The following TMC6 variants were observed in gnomAD, a reference collection of about 807,000 sequenced individuals.
TMC6 encodes the protein transmembrane channel-like protein 6.
A neutral mutation model predicts 95.4 loss-of-function variants in TMC6; 71 were observed. The ratio of observed to expected loss-of-function variants is 0.74; its 90% CI spans 0.61 to 0.91. The LOEUF (loss-of-function observed/expected upper bound fraction) is 0.91, where lower values mean the gene tolerates loss of function less well. Ranked by LOEUF, TMC6 falls within the 40% of genes least tolerant of loss-of-function variation. The pLI is 0.00. For missense variants in TMC6, 1,074 were observed against 1,079.1 expected, an observed-to-expected ratio of 1.00 and a Z score of 0.07; for synonymous variants, 514 against 483.1, an observed-to-expected ratio of 1.06 and a Z score of -0.84.
Position 78,120,822 on chromosome 17 carries a change from G to C in TMC6, c.1546C>G (p.Leu516Val). Residue 516 changes from leucine (L) to valine (V), a missense_variant, in exon 13 of 20, where the codon CTC becomes GTC. By Grantham distance (32) the Leu-to-Val change is conservative. Coordinates refer to ENST00000590602, the MANE Select transcript of TMC6 (RefSeq NM_001127198.5). ...AGTGTCCCCAGGATGGCCAGCTTGA[G>C]GATGAGGTTCCTGCGGAGGGCGGGG... ...VYVAICRNLI[L>V]KLAILGTLCY... is the part of the protein sequence containing the mutation. 1.9e-6 allele frequency: 3 copies of C among 1,612,490 alleles called. No homozygotes were observed. The highest frequency in any genetic ancestry group is 2.5e-6 in the Non-Finnish European group (3 of 1,179,068).
rs748989453 is a variant in TMC6, at chr17:78,113,143, T to A, written c.*5A>T. On this transcript the variant is annotated 3_prime_UTR_variant, in exon 20 of 20. Transcript: ENST00000590602. ...GGCGGGCCCGTGAGGCCCATCGCCG[T>A]CCCCCTAGGCATCCTGTTCATCTGT... The A allele has an allele frequency of 7.7e-6, 12 of 1,552,632 alleles. No homozygotes were observed. In the Admixed American group the frequency reaches 2.0e-4, roughly 25 times the overall value.
chr17:78,124,522 A>G lies in TMC6; in HGVS notation c.891+2T>C, dbSNP rs776792539. The G allele has an allele frequency of 2.5e-6, 4 of 1,609,786 alleles. No homozygotes were observed. The highest frequency in any genetic ancestry group is 1.1e-5 in the South Asian group (1 of 91,030). On this transcript the variant is annotated splice_donor_variant, in intron 8 of 19. Transcript: ENST00000590602. LOFTEE classifies it high-confidence loss of function. Reference sequence around the variant, plus strand: ...CGTCCCCCAGTCCTAGGGCTTCCTCACCGCGCCTGTGAGGAGCTCCAGGCC... The same window carrying G: ...CGTCCCCCAGTCCTAGGGCTTCCTCGCCGCGCCTGTGAGGAGCTCCAGGCC...
chr17:78,120,793 GCA>G lies in TMC6; in HGVS notation c.1573_1574del (p.Cys525LeufsTer63), dbSNP rs1277588279. ...CCACCCTGCGGCCCAGCCAGTGGTA[GCA>G]CAGTGTCCCCAGGATGGCCAGCTTG... is the stretch of plus-strand genomic sequence containing the variant. Reference protein sequence around the residue: ...ILKLAILGTLCYHWLGRRVGV... With the variant: ...ILKLAILGTLXYHWLGRRVGV... On this transcript the variant is annotated frameshift_variant, in exon 13 of 20. Transcript: ENST00000590602. LOFTEE classifies it high-confidence loss of function. 6.2e-7 allele frequency: 1 copy of G among 1,613,500 alleles called. No homozygotes were observed. The highest frequency in any genetic ancestry group is 1.3e-5 in the African/African-American group (1 of 74,930).
In TMC6 at chr17:78,126,323, G is replaced by T. The variant is rs370551411; in HGVS notation, c.225C>A (p.Ser75Arg). The T allele has an allele frequency of 3.1e-5, 49 of 1,575,116 alleles. No homozygotes were observed. The highest frequency in any genetic ancestry group is 3.9e-5 in the Non-Finnish European group (46 of 1,165,108). The part of the protein sequence containing the change: ...QTLWRPEGTQ[S>R]TATLRILASM... ...TGGCCAGGATGCGGAGTGTGGCCGT[G>T]CTCTGGGTGCCCTCGGGCCGCCAGA... The change falls in exon 4 of 20, where the codon AGC (serine) becomes AGA (arginine). Residue 75 changes from serine (S) to arginine (R), a missense_variant. Coordinates refer to ENST00000590602, the MANE Select transcript of TMC6 (RefSeq NM_001127198.5).
Position 78,128,324 on chromosome 17 carries a change from C to G in TMC6, c.-75+288G>C, listed in dbSNP as rs2074841299. ...TCCCTGTCCCCCGCCCCTTCCCATCCCGGCCACACCCCCTCCCCTCCCCTC... is the reference window on the plus strand; with the variant it reads ...TCCCTGTCCCCCGCCCCTTCCCATCGCGGCCACACCCCCTCCCCTCCCCTC... On this transcript the variant is annotated intron_variant, in intron 1 of 19. Transcript: ENST00000590602. The surrounding 1 kb of genome is among the most constrained non-coding windows in gnomAD (Gnocchi z 4.0). Among the ~76,000 whole-genome samples the G allele has an allele frequency of 6.6e-6, 1 of 152,100 alleles. No individual in the cohort carries two copies. The highest frequency in any genetic ancestry group is 1.5e-5 in the Non-Finnish European group (1 of 68,004).
At chr17:78,127,050 T>C (rs2074756338) in intron 1 of TMC6, 144 bp from the exon 2 acceptor site, 3 of 625,846 alleles carry the variant, frequency 4.8e-6, no homozygotes, top group Admixed American at 2.5e-5. Context: ...GGTACATAAA[T>C]GGTGAGGCAC....
At chr17:78,127,121 G>C (rs2074758871) in intron 1 of TMC6, 1 of 571,480 alleles carries the variant, frequency 1.7e-6, no homozygotes, top group Non-Finnish European at 3.1e-6. Context: ...GGAGGGGAGA[G>C]AGGAAGGAAG....
In TMC6 at chr17:78,116,628, A is replaced by C. The variant is rs555070028; in HGVS notation, c.2277+641T>G. Among the ~76,000 whole-genome samples the C allele has an allele frequency of 3.3e-5, 5 of 152,170 alleles. No individual in the cohort carries two copies. The South Asian group carries it at 6.2e-4, about 19-fold the overall frequency. ...TGGCCAGGCACGGTGGCTCATGCCT[A>C]TAATCCTAGCACTTTGGGAGGCCAA... On this transcript the variant is annotated intron_variant, in intron 18 of 19. Coordinates refer to ENST00000590602, the MANE Select transcript of TMC6 (RefSeq NM_001127198.5).
chr17:78,109,510 A>G lies in TMC6; in HGVS notation c.*3638T>C, dbSNP rs973578684. 5 of 456,588 alleles carry G rather than the reference A, an allele frequency of 1.1e-5. No individual in the cohort carries two copies. Among genetic ancestry groups the G allele is most frequent in the African/African-American group, 8.0e-5 (4 of 50,070 alleles). The allele number at this position is 456,588 out of a possible 1,614,324, so 28.3% of individuals were successfully genotyped here. A position where few individuals can be genotyped will look rare whatever the true frequency, so the allele number is the denominator to read the frequency against. ...TGGGCCCCAGGTCATCATGAAAACC[A>G]GAAGCAGACACTCAGGAGGCTGAGG... On this transcript the variant is annotated 3_prime_UTR_variant, in exon 20 of 20. Transcript: ENST00000590602.
At chr17:78,117,204 G>C in intron 18 of TMC6, 65 bp downstream of exon 18, 2 of 1,552,534 alleles carry the variant, frequency 1.3e-6, no homozygotes, top group Non-Finnish European at 8.9e-7. Context: ...GGGAGTGGAG[G>C]GGAGCGTCAC....
At chr17:78,127,258 G>C (rs1268401968) in intron 1 of TMC6, among the ~76,000 whole-genome samples, 2 of 152,194 alleles carry the variant, frequency 1.3e-5, no homozygotes, top group Admixed American at 1.3e-4. Flanking sequence ...CTGGCACAGA[G>C]ACACCTCCTT....
intron 13 of TMC6, chr17:78,119,799 T>C: frequency 2.7e-6 from 1 of 377,002 alleles, no homozygotes; most frequent in Non-Finnish European, 5.0e-6. Flanking sequence ...CAGGCCCAGC[T>C]AATTTTTATT....
chr17:78,115,493 G>A (rs911506586), intron 18 of TMC6, among the ~76,000 whole-genome samples: 7 of 152,162 alleles, frequency 4.6e-5, no homozygotes, highest in African/African-American at 7.2e-5. Context: ...CCTGCTTCAC[G>A]GGGGGCCGTT....
chr17:78,126,966 C>T, intron 1 of TMC6, 60 bp from the exon 2 acceptor site: 2 of 1,049,252 alleles, frequency 1.9e-6, no homozygotes, highest in Non-Finnish European at 2.9e-6. Flanking sequence ...CTGTCCACAC[C>T]ACCCATTCCT....
chr17:78,123,994 C>T lies in TMC6; in HGVS notation c.1077G>A (p.Val359=). Residue 359 remains valine, a synonymous_variant, in exon 9 of 20, where the codon GTG becomes GTA. Coordinates refer to ENST00000590602, the MANE Select transcript of TMC6 (RefSeq NM_001127198.5). ...VSFFITCITL[V]YSMAHSFGES... ...TCATGAGGTGGAGGCATTACCTGTA[C>T]ACCAGGGTGATGCAGGTGATAAAGA... 1 of 1,613,754 alleles carries T rather than the reference C, an allele frequency of 6.2e-7. No homozygotes were observed.
chr17:78,116,075 T>C (rs1246605387), intron 18 of TMC6, among the ~76,000 whole-genome samples: 3 of 151,986 alleles, frequency 2.0e-5, no homozygotes, highest in Non-Finnish European at 4.4e-5. Context: ...AGTGGCGCAA[T>C]CTGGGCTGAT....
chr17:78,126,188 G>C, intron 4 of TMC6, 89 bp downstream of exon 4: 1 of 1,496,934 alleles, frequency 6.7e-7, no homozygotes, highest in Non-Finnish European at 9.0e-7. Context: ...ACTACCCAGG[G>C]AGATGCCTGG....
chr17:78,117,391 G>T (rs375583047), intron 17 of TMC6, 44 bp from the exon 18 acceptor site: 6 of 1,612,382 alleles, frequency 3.7e-6, no homozygotes, highest in Non-Finnish European at 5.1e-6. Flanking sequence ...GCCACAGCCC[G>T]GGAGCGGCCA....
At position 78,126,858 on chromosome 17, in the gene TMC6, G is replaced by T; in HGVS notation, c.-26C>A. On this transcript the variant is annotated 5_prime_UTR_variant, in exon 2 of 20. Coordinates refer to ENST00000590602, the MANE Select transcript of TMC6 (RefSeq NM_001127198.5). ...GTCTCTGGCCAATGCCCGCTAGTCT[G>T]CAGACCTAGGGTAGCTCAGAGCCTG... is the stretch of plus-strand genomic sequence containing the variant. The T allele has an allele frequency of 6.2e-7, 1 of 1,610,436 alleles. No homozygotes were observed. Among genetic ancestry groups the T allele is most frequent in the Non-Finnish European group, 8.5e-7 (1 of 1,179,324 alleles).
Sources: gnomAD v4.1 joint callset for allele counts (sites outside exome capture counted in the v4.1 genomes callset) on GRCh38, gnomAD v4.1.1 for gene constraint, Gnocchi (gnomAD v3.1) non-coding constraint, MANE v1.5 for transcripts, NCBI Gene and HGNC (gene_info 2026-07-23, HGNC 2026-07-21) for gene names.